CDIP1: variants seen among roughly 807,000 people sequenced by gnomAD.
The protein encoded by CDIP1 is cell death inducing p53 target 1.
Under a neutral mutation model 17.7 loss-of-function variants are expected in CDIP1, and 9 were observed. The ratio of observed to expected loss-of-function variants is 0.51; its 90% CI spans 0.31 to 0.89. The LOEUF (loss-of-function observed/expected upper bound fraction) is 0.89, where lower values mean the gene tolerates loss of function less well. CDIP1 is among the 40% of genes least tolerant of loss of function. CDIP1 has a pLI of 0.05. For synonymous variants in CDIP1, 117 were observed against 109.5 expected, an observed-to-expected ratio of 1.07 and a Z score of -0.43; for missense variants, 263 against 277.9, an observed-to-expected ratio of 0.95 and a Z score of 0.38.
rs1321352463 is a variant in CDIP1 at position 4,513,614 on chromosome 16, C to T, written c.241+82G>A. The T allele has an allele frequency of 3.1e-6, 4 of 1,275,098 alleles. No individual in the cohort carries two copies. The African/African-American group carries it at 5.9e-5, about 19-fold the overall frequency. The allele number at this position is 1,275,098 out of a possible 1,614,324, so 79.0% of individuals were successfully genotyped here. ...GAGTCCCTGCCCTACAGCAGATGCC[C>T]ACCTGTACTGAGGACAGCCAGCGCA... On this transcript the variant is annotated intron_variant, in intron 4 of 5. Transcript: ENST00000567695. The surrounding 1 kb of genome is among the most constrained non-coding windows in gnomAD (Gnocchi z 4.1).
At position 4,512,662 on chromosome 16, in the gene CDIP1, C is replaced by T. The variant is rs2058843566; in HGVS notation, c.537G>A (p.Leu179=). 1 of 1,613,814 alleles carries T rather than the reference C, an allele frequency of 6.2e-7. No homozygotes were observed. Among genetic ancestry groups the T allele is most frequent in the African/African-American group, 1.3e-5 (1 of 74,912 alleles). The change falls in exon 6 of 6, where the codon CTG becomes CTA. Residue 179 remains leucine, a synonymous_variant. Transcript: ENST00000567695. The surrounding 1 kb of genome is among the most constrained non-coding windows in gnomAD (Gnocchi z 4.6). ...TGAAGTCATTGATGAGGCAGGGGAT[C>T]AGGCAGCAGCCCAGATCACATCTGA... ...CFMGCDLGCC[L]IPCLINDFKD... is the part of the protein sequence containing the mutation.
At chr16:4,516,947 C>T (rs528436057) in intron 1 of CDIP1, among the ~76,000 whole-genome samples, 1 of 152,138 alleles carries the variant, frequency 6.6e-6, no homozygotes, top group East Asian at 1.9e-4. Flanking sequence ...AATGCTGTGT[C>T]ACACATATTC....
intron 1 of CDIP1, among the ~76,000 whole-genome samples, chr16:4,521,087 GGTGT>G (rs35743524): frequency 1.3e-4 from 19 of 149,920 alleles, no homozygotes; most frequent in Non-Finnish European, 1.3e-4. Context: ...ATGCAACACT[GGTGT>G]GTGTGTGTGT....
chr16:4,537,995 G>T (rs1323229990), intron 1 of CDIP1, among the ~76,000 whole-genome samples: 1 of 152,238 alleles, frequency 6.6e-6, no homozygotes, highest in Non-Finnish European at 1.5e-5. Flanking sequence ...GGACGGCCAA[G>T]GTCACCCGCG....
intron 1 of CDIP1, among the ~76,000 whole-genome samples, chr16:4,519,908 T>C (rs1033234226): frequency 2.0e-5 from 3 of 152,138 alleles, no homozygotes; most frequent in African/African-American, 7.2e-5. Context: ...TGCCATCCTA[T>C]AAAGCCTGCA....
intron 1 of CDIP1, among the ~76,000 whole-genome samples, chr16:4,515,842 C>T (rs2058881347): frequency 6.6e-6 from 1 of 152,194 alleles, no homozygotes; most frequent in South Asian, 2.1e-4. Flanking sequence ...CTGCCAGCCC[C>T]TGTTCCCCTT....
At chr16:4,532,094 A>G (rs1216790675) in intron 1 of CDIP1, 3 of 152,256 alleles carry the variant, frequency 2.0e-5, no homozygotes, top group Admixed American at 1.3e-4. Context: ...TAACCCACTG[A>G]ATGTGTACTG....
Position 4,536,772 on chromosome 16 carries a change from C to CGA in CDIP1, c.-105+1929_-105+1930insTC, listed in dbSNP as rs536431129. ...GCAAAATAATGACATGCCATCTCTACAAAAAAAAAAAAAAAAAAAAATTAG... is the reference window on the plus strand; with the variant it reads ...GCAAAATAATGACATGCCATCTCTACGAAAAAAAAAAAAAAAAAAAAAATTAG... On this transcript the variant is annotated intron_variant, in intron 1 of 5. Coordinates refer to ENST00000567695, the MANE Select transcript of CDIP1 (RefSeq NM_013399.3). 3.9e-5 allele frequency: 4 copies of CGA among 101,552 alleles called. No individual in the cohort carries two copies. The East Asian group carries it at 1.1e-3, about 28-fold the overall frequency. 6.3% of individuals were successfully genotyped at this position (101,552 alleles called of 1,614,324 possible). A position where few individuals can be genotyped will look rare whatever the true frequency, so the allele number is the denominator to read the frequency against.
At chr16:4,528,869 A>G (rs1409303202) in intron 1 of CDIP1, among the ~76,000 whole-genome samples, 3 of 152,030 alleles carry the variant, frequency 2.0e-5, no homozygotes, top group Non-Finnish European at 2.9e-5. Flanking sequence ...CATGCCTGTA[A>G]TTCCAGCTAC....
intron 1 of CDIP1, among the ~76,000 whole-genome samples, chr16:4,531,000 C>T (rs970876723): frequency 6.6e-6 from 1 of 151,896 alleles, no homozygotes; most frequent in African/African-American, 2.4e-5. Flanking sequence ...AAAACAGGAG[C>T]TCACGTCATG....
At chr16:4,538,424 G>C (rs933001160) in intron 1 of CDIP1, 1 of 152,450 alleles carries the variant, frequency 6.6e-6, no homozygotes, top group Non-Finnish European at 1.5e-5. Context: ...GCGGCTTTGC[G>C]CGCACAACGA....
intron 1 of CDIP1, among the ~76,000 whole-genome samples, chr16:4,530,421 A>G (rs1168494005): frequency 1.3e-5 from 2 of 152,184 alleles, no homozygotes; most frequent in African/African-American, 4.8e-5. Flanking sequence ...AGGCTGAGGC[A>G]GTCGGATCAC....
Position 4,531,058 on chromosome 16 carries a change from A to G in CDIP1, c.-105+7644T>C, listed in dbSNP as rs117413120. ...CCATGTATATATTTCTCTATGACTC[A>G]GACATCAGAGACCAGGCTGGAGTGC... On this transcript the variant is annotated intron_variant, in intron 1 of 5. Transcript: ENST00000567695. 8.0e-4 allele frequency among the ~76,000 whole-genome samples: 122 copies of G among 151,834 alleles called. 1 individual carries two copies. Among genetic ancestry groups the G allele is most frequent in the Non-Finnish European group, 1.5e-3 (101 of 67,934 alleles).
rs1461337152 is a variant in CDIP1 at position 4,527,766 on chromosome 16, T to C, written c.-105+10936A>G. Among the ~76,000 whole-genome samples the C allele has an allele frequency of 2.0e-5, 3 of 152,202 alleles. No homozygotes were observed. In the East Asian group the frequency reaches 5.8e-4, roughly 29 times the overall value. On this transcript the variant is annotated intron_variant, in intron 1 of 5. Transcript: ENST00000567695. The stretch of plus-strand genomic sequence containing the variant: ...AAGAAAATGGAACTGGTTACATGCA[T>C]GTGATTAGCTATATAATGTAACTGT...
Position 4,512,752 on chromosome 16 carries a change from T to TG in CDIP1, c.515+38dup, listed in dbSNP as rs769997517. 6.2e-7 allele frequency: 1 copy of TG among 1,601,210 alleles called. No individual in the cohort carries two copies. Among genetic ancestry groups the TG allele is most frequent in the South Asian group, 1.1e-5 (1 of 90,000 alleles). On this transcript the variant is annotated intron_variant, in intron 5 of 5. Coordinates refer to ENST00000567695, the MANE Select transcript of CDIP1 (RefSeq NM_013399.3). This position sits in a 1 kb window ranked among gnomAD's most constrained non-coding sequence, Gnocchi z 4.6. ...GGAGGCAGAGGCAGCCAGTTGACCCTGGTGCAGCCCCCACCCTACCAGTGC... is the reference window on the plus strand; with the variant it reads ...GGAGGCAGAGGCAGCCAGTTGACCCTGGGTGCAGCCCCCACCCTACCAGTGC...
intron 1 of CDIP1, among the ~76,000 whole-genome samples, chr16:4,528,231 C>T (rs1416355562): frequency 1.3e-5 from 2 of 152,192 alleles, no homozygotes; most frequent in African/African-American, 4.8e-5. Flanking sequence ...ATACGTAACA[C>T]ATTTTTTGTC....
At chr16:4,519,931 A>T (rs1467526502) in intron 1 of CDIP1, among the ~76,000 whole-genome samples, 2 of 152,158 alleles carry the variant, frequency 1.3e-5, no homozygotes, top group Non-Finnish European at 1.5e-5. Flanking sequence ...ACCAGGAACC[A>T]AATACTCTCT....
intron 1 of CDIP1, among the ~76,000 whole-genome samples, chr16:4,531,310 G>C (rs911964016): frequency 6.6e-6 from 1 of 151,908 alleles, no homozygotes; most frequent in Admixed American, 6.6e-5. Flanking sequence ...TTACAGGTGT[G>C]AGGCACTGTG....
intron 1 of CDIP1, among the ~76,000 whole-genome samples, chr16:4,530,268 ACT>A (rs2059041659): frequency 6.6e-6 from 1 of 152,120 alleles, no homozygotes; most frequent in Admixed American, 6.5e-5. Flanking sequence ...AGTTTCTATC[ACT>A]CTTAGTTGGC....
Sources: allele counts gnomAD v4.1 joint callset (sites outside exome capture counted in the v4.1 genomes callset), GRCh38; gene constraint gnomAD v4.1.1; non-coding constraint Gnocchi (gnomAD v3.1); transcripts MANE v1.5; gene names NCBI Gene and HGNC (gene_info 2026-07-23, HGNC 2026-07-21).